The following SCARA5 variants were observed in gnomAD, a reference collection of about 807,000 sequenced individuals.
SCARA5 encodes the protein scavenger receptor class A, member 5 (putative).
In SCARA5, 45 loss-of-function variants were observed where a neutral mutation model predicts 46.3. That is an observed-to-expected ratio of 0.97 (90% CI 0.76 to 1.24). The LOEUF (loss-of-function observed/expected upper bound fraction) is 1.24. Ranked by LOEUF, SCARA5 falls within the 50% of genes most tolerant of loss-of-function variation. The probability of loss-of-function intolerance (pLI) is 0.00; values close to 1 mark genes in which losing one functional copy is unlikely to be tolerated. For synonymous variants in SCARA5, 333 were observed against 306.5 expected, an observed-to-expected ratio of 1.09 and a Z score of -0.90; for missense variants, 680 against 689.0, an observed-to-expected ratio of 0.99 and a Z score of 0.15.
chr8:27,901,016 C>T (rs1397861129), intron 7 of SCARA5, among the ~76,000 whole-genome samples: 7 of 151,788 alleles, frequency 4.6e-5, no homozygotes, highest in Non-Finnish European at 7.4e-5. Flanking sequence ...TGGGGTTGGG[C>T]GAGAGAGAGG....
intron 4 of SCARA5, among the ~76,000 whole-genome samples, chr8:27,912,777 G>A (rs1186745002): frequency 6.6e-6 from 1 of 152,210 alleles, no homozygotes; most frequent in African/African-American, 2.4e-5. Context: ...ACCTGCAGGG[G>A]GGTCTTCCCA....
At chr8:27,917,628 A>G (rs1807483405) in intron 4 of SCARA5, among the ~76,000 whole-genome samples, 1 of 152,230 alleles carries the variant, frequency 6.6e-6, no homozygotes, top group African/African-American at 2.4e-5. Context: ...AACAGTGGGA[A>G]GGCTATTCAG....
intron 3 of SCARA5, among the ~76,000 whole-genome samples, chr8:27,926,447 G>T (rs951592527): frequency 1.4e-5 from 2 of 146,184 alleles, no homozygotes; most frequent in South Asian, 2.1e-4. Context: ...GGGCCTGTCA[G>T]GGGGTGGGGG....
chr8:27,982,977 G>A lies in SCARA5; in HGVS notation c.112+4527C>T, dbSNP rs114960185. Among the ~76,000 whole-genome samples the A allele has an allele frequency of 8.1e-3, 1,236 of 152,264 alleles. 19 individuals carry two copies. The highest frequency in any genetic ancestry group is 0.028 in the African/African-American group (1,164 of 41,546). ...GCCTGCAGGAGCTGCTCTGCTAGAG[G>A]AGGGTCCCTTCCTCTGCGCTGAGGA... On this transcript the variant is annotated intron_variant, in intron 2 of 8. Transcript: ENST00000354914.
chr8:27,922,362 AT>A, intron 3 of SCARA5, 117 bp from the exon 4 acceptor site: 1 of 626,622 alleles, frequency 1.6e-6, no homozygotes. Context: ...TGATAGACGA[AT>A]AAAATCACAG....
chr8:27,925,851 C>T (rs1355247368), intron 3 of SCARA5, among the ~76,000 whole-genome samples: 1 of 152,192 alleles, frequency 6.6e-6, no homozygotes, highest in Non-Finnish European at 1.5e-5. Flanking sequence ...TGAAAAAATG[C>T]TCATCATCAC....
At chr8:27,979,434 C>T (rs762932046) in intron 2 of SCARA5, among the ~76,000 whole-genome samples, 2 of 152,126 alleles carry the variant, frequency 1.3e-5, no homozygotes, top group Admixed American at 6.5e-5. Flanking sequence ...CCAGGCGCTA[C>T]GGGTTTCCCA....
chr8:27,975,497 G>A (rs1285113610), intron 2 of SCARA5, among the ~76,000 whole-genome samples: 1 of 135,860 alleles, frequency 7.4e-6, no homozygotes, highest in African/African-American at 2.6e-5. Flanking sequence ...TTGTGGGACT[G>A]GGCCCTCAAC....
At chr8:27,971,913 G>A (rs1210396119) in intron 2 of SCARA5, among the ~76,000 whole-genome samples, 1 of 152,028 alleles carries the variant, frequency 6.6e-6, no homozygotes, top group Admixed American at 6.5e-5. Context: ...GTGTCCCTGG[G>A]CTATTACTTT....
At chr8:27,971,567 C>G (rs1232857346) in intron 2 of SCARA5, among the ~76,000 whole-genome samples, 3 of 152,196 alleles carry the variant, frequency 2.0e-5, no homozygotes, top group African/African-American at 7.2e-5. Context: ...TCAACAACCA[C>G]TACGACAACA....
At chr8:27,951,585 C>G (rs573651513) in intron 3 of SCARA5, among the ~76,000 whole-genome samples, 1 of 152,206 alleles carries the variant, frequency 6.6e-6, no homozygotes, top group Non-Finnish European at 1.5e-5. Context: ...GCTGGACCTC[C>G]GGTGCAGAGG....
At chr8:27,942,683 T>TA (rs1398236388) in intron 3 of SCARA5, among the ~76,000 whole-genome samples, 2 of 152,178 alleles carry the variant, frequency 1.3e-5, no homozygotes, top group African/African-American at 2.4e-5. Flanking sequence ...GCAGAAGTGT[T>TA]ACGCTGACTT....
Position 27,922,044 on chromosome 8 carries a change from C to G in SCARA5, c.443G>C (p.Arg148Pro), listed in dbSNP as rs781198035. The G allele has an allele frequency of 3.8e-6, 6 of 1,574,772 alleles. No homozygotes were observed. Among genetic ancestry groups the G allele is most frequent in the Non-Finnish European group, 3.4e-6 (4 of 1,165,686 alleles). The change falls in exon 4 of 9, where the codon CGG becomes CCG. Residue 148 changes from arginine (R) to proline (P), a missense_variant. Coordinates refer to ENST00000354914, the MANE Select transcript of SCARA5 (RefSeq NM_173833.6). ...CAGCCCCCACAGCGCGCCCTCCAGC[C>G]GCTGCACTGCGCCCGCCAGCGCCAG... ...SLLALAGAVQ[R>P]LEGALWGLQA...
chr8:27,911,866 G>A (rs1015349101), intron 4 of SCARA5, among the ~76,000 whole-genome samples: 6 of 152,172 alleles, frequency 3.9e-5, no homozygotes, highest in Non-Finnish European at 7.3e-5. Context: ...GGTAGGGCAG[G>A]CCTCAGTGCA....
chr8:27,975,562 A>G (rs1808510076), intron 2 of SCARA5, among the ~76,000 whole-genome samples: 1 of 152,350 alleles, frequency 6.6e-6, no homozygotes, highest in Middle Eastern at 3.4e-3. Context: ...GAATTGAACC[A>G]GAGGACACCC....
intron 7 of SCARA5, among the ~76,000 whole-genome samples, chr8:27,888,256 C>A (rs1318109773): frequency 1.3e-5 from 2 of 152,150 alleles, no homozygotes; most frequent in Non-Finnish European, 2.9e-5. Flanking sequence ...TTCTCCAGTG[C>A]CACAGAATAA....
At chr8:27,980,372 G>C (rs1284091914) in intron 2 of SCARA5, among the ~76,000 whole-genome samples, 1 of 152,220 alleles carries the variant, frequency 6.6e-6, no homozygotes, top group Non-Finnish European at 1.5e-5. Flanking sequence ...GCCCACCCAG[G>C]GCTCTGTCCT....
intron 2 of SCARA5, among the ~76,000 whole-genome samples, chr8:27,982,578 G>A (rs1428995374): frequency 6.6e-6 from 1 of 152,192 alleles, no homozygotes; most frequent in African/African-American, 2.4e-5. Flanking sequence ...CAGGATCCAC[G>A]AGGTGAGGAG....
intron 2 of SCARA5, among the ~76,000 whole-genome samples, chr8:27,976,160 C>G (rs1243236287): frequency 6.6e-6 from 1 of 151,784 alleles, no homozygotes. Flanking sequence ...GAGGGGAGGG[C>G]AGGGTGGCCA....
Sources: gnomAD v4.1 joint callset for allele counts (sites outside exome capture counted in the v4.1 genomes callset) on GRCh38, gnomAD v4.1.1 for gene constraint, MANE v1.5 for transcripts, NCBI Gene and HGNC (gene_info 2026-07-23, HGNC 2026-07-21) for gene names.